The following ERC2 variants were observed in gnomAD, a reference collection of about 807,000 sequenced individuals.
ERC2 encodes ERC protein 2.
Under a neutral mutation model 114.8 loss-of-function variants are expected in ERC2, and 42 were observed. That is an observed-to-expected ratio of 0.37 (90% CI 0.29 to 0.47). ERC2 has a LOEUF of 0.47. Ranked by LOEUF, ERC2 falls within the 20% of genes least tolerant of loss-of-function variation. ERC2 has a pLI of 0.99. For missense variants in ERC2, 939 were observed against 1,150.7 expected, an observed-to-expected ratio of 0.82 and a Z score of 2.66; for synonymous variants, 454 against 425.5, an observed-to-expected ratio of 1.07 and a Z score of -0.82.
At chr3:55,735,232 A>T (rs2065555801) in intron 14 of ERC2, among the ~76,000 whole-genome samples, 1 of 152,200 alleles carries the variant, frequency 6.6e-6, no homozygotes, top group Non-Finnish European at 1.5e-5. Context: ...ACATATATTC[A>T]TCTATCCATC....
At chr3:56,355,521 A>C (rs959783004) in intron 2 of ERC2, among the ~76,000 whole-genome samples, 1 of 151,968 alleles carries the variant, frequency 6.6e-6, no homozygotes, top group Admixed American at 6.6e-5. Flanking sequence ...CATGTTGCCC[A>C]CACTGGTCTT....
intron 14 of ERC2, among the ~76,000 whole-genome samples, chr3:55,774,440 T>C (rs948501952): frequency 2.6e-5 from 4 of 152,228 alleles, no homozygotes; most frequent in Non-Finnish European, 4.4e-5. Flanking sequence ...TGGTCTCCCA[T>C]CAATGTTATG....
intron 14 of ERC2, among the ~76,000 whole-genome samples, chr3:55,841,741 AG>A (rs111584043): frequency 0.18 from 27,218 of 152,166 alleles, 3,597 homozygotes; most frequent in African/African-American, 0.37. Context: ...AACATTAGAA[AG>A]GGGTAAAGCT....
At chr3:55,761,945 CCT>C (rs1282084280) in intron 14 of ERC2, among the ~76,000 whole-genome samples, 1 of 89,648 alleles carries the variant, frequency 1.1e-5, no homozygotes, top group Non-Finnish European at 2.1e-5. Flanking sequence ...TCCCTCCCTT[CCT>C]CTCTCTCTCC....
At chr3:56,263,228 T>C (rs1487726604) in intron 3 of ERC2, among the ~76,000 whole-genome samples, 2 of 151,860 alleles carry the variant, frequency 1.3e-5, no homozygotes, top group East Asian at 1.9e-4. Context: ...ACTAGCAAGA[T>C]GGTGGAGTAG....
chr3:55,824,611 CA>C (rs1324701232), intron 14 of ERC2, among the ~76,000 whole-genome samples: 1 of 152,194 alleles, frequency 6.6e-6, no homozygotes, highest in Non-Finnish European at 1.5e-5. Flanking sequence ...AGAGTTCCCA[CA>C]ACACTTTATC....
intron 13 of ERC2, among the ~76,000 whole-genome samples, chr3:55,914,794 A>T (rs1253542812): frequency 6.6e-6 from 1 of 152,180 alleles, no homozygotes. Flanking sequence ...TATCCCATAA[A>T]ACTAGACACC....
chr3:56,160,125 A>C (rs2081970661), intron 4 of ERC2, among the ~76,000 whole-genome samples: 1 of 152,190 alleles, frequency 6.6e-6, no homozygotes, highest in African/African-American at 2.4e-5. Flanking sequence ...ACAGTGTATA[A>C]GCGTTTCCAT....
intron 15 of ERC2, among the ~76,000 whole-genome samples, chr3:55,721,348 A>C (rs2064535974): frequency 6.6e-6 from 1 of 152,258 alleles, no homozygotes; most frequent in Non-Finnish European, 1.5e-5. Flanking sequence ...TAGCTGTGTT[A>C]ATGTTCTACT....
intron 3 of ERC2, among the ~76,000 whole-genome samples, chr3:56,288,705 C>T (rs1454959377): frequency 3.3e-5 from 5 of 152,154 alleles, no homozygotes; most frequent in Admixed American, 3.3e-4. Context: ...AGAGAGAGCG[C>T]TTTTCTGGAA....
At position 56,110,600 on chromosome 3, in the gene ERC2, G is replaced by T. The variant is rs1251003681; in HGVS notation, c.1473+28909C>A. ...ACAAAGTCCCAAAGGAACATGGAAA[G>T]AATTTTTTAAATTCTGTCATAATGT... On this transcript the variant is annotated intron_variant, in intron 6 of 17. Transcript: ENST00000288221. Among the ~76,000 whole-genome samples the T allele has an allele frequency of 3.3e-5, 5 of 152,056 alleles. No individual in the cohort carries two copies. In the East Asian group the frequency reaches 5.8e-4, roughly 18 times the overall value.
At chr3:55,794,652 G>T (rs1308576689) in intron 14 of ERC2, among the ~76,000 whole-genome samples, 2 of 151,982 alleles carry the variant, frequency 1.3e-5, no homozygotes, top group African/African-American at 4.8e-5. Flanking sequence ...TTTCTCTTTG[G>T]GGATAACTAC....
chr3:56,212,445 C>A (rs1213580737), intron 3 of ERC2, among the ~76,000 whole-genome samples: 1 of 151,996 alleles, frequency 6.6e-6, no homozygotes, highest in East Asian at 1.9e-4. Context: ...ATCAAAAAAT[C>A]AAAAAATAAT....
intron 6 of ERC2, among the ~76,000 whole-genome samples, chr3:56,082,924 C>T (rs557012615): frequency 6.6e-6 from 1 of 152,302 alleles, no homozygotes; most frequent in East Asian, 1.9e-4. Flanking sequence ...TCTCCTATGA[C>T]AGTCTAATGC....
At chr3:55,854,079 A>T (rs2061685417) in intron 14 of ERC2, among the ~76,000 whole-genome samples, 1 of 152,330 alleles carries the variant, frequency 6.6e-6, no homozygotes, top group South Asian at 2.1e-4. Flanking sequence ...GTTTGAAACC[A>T]GTCTGGCCAA....
intron 13 of ERC2, among the ~76,000 whole-genome samples, chr3:55,894,216 T>A (rs1235702773): frequency 1.3e-5 from 2 of 152,154 alleles, no homozygotes; most frequent in South Asian, 2.1e-4. Context: ...TAAGCACTAT[T>A]ACAAAGTTAT....
chr3:56,214,250 G>C (rs1466166250), intron 3 of ERC2, among the ~76,000 whole-genome samples: 1 of 152,082 alleles, frequency 6.6e-6, no homozygotes, highest in Non-Finnish European at 1.5e-5. Context: ...CTTGAAAAAA[G>C]ATTAGACGAA....
At chr3:55,521,967 A>T (rs1166759393) in intron 17 of ERC2, among the ~76,000 whole-genome samples, 2 of 152,230 alleles carry the variant, frequency 1.3e-5, no homozygotes, top group Non-Finnish European at 2.9e-5. Context: ...TATGCCTGCA[A>T]GGATGGCCTG....
intron 8 of ERC2, among the ~76,000 whole-genome samples, chr3:56,012,656 C>G (rs895701864): frequency 6.6e-6 from 1 of 152,156 alleles, no homozygotes; most frequent in Non-Finnish European, 1.5e-5. Flanking sequence ...TCTAAGCACT[C>G]GTACTATTGA....
Sources: gnomAD v4.1 joint callset for allele counts (sites outside exome capture counted in the v4.1 genomes callset) on GRCh38, gnomAD v4.1.1 for gene constraint, MANE v1.5 for transcripts, NCBI Gene and HGNC (gene_info 2026-07-23, HGNC 2026-07-21) for gene names.